Variants in DMD observed in about 807,000 individuals in gnomAD.
DMD encodes the protein mutant dystrophin.
In DMD, 63 loss-of-function variants were observed where a neutral mutation model predicts 330.1. That is an observed-to-expected ratio of 0.19 (90% CI 0.16 to 0.24). The LOEUF (loss-of-function observed/expected upper bound fraction) is 0.24, where lower values mean the gene tolerates loss of function less well. Ranked by LOEUF, DMD falls within the 10% of genes least tolerant of loss-of-function variation. The probability of loss-of-function intolerance (pLI) is 1.00; values close to 1 mark genes in which losing one functional copy is unlikely to be tolerated. For synonymous variants in DMD, 1,223 were observed against 959.8 expected (o/e 1.27, Z -5.07); for missense variants, 3,344 against 2,684.1 (o/e 1.25, Z -5.43).
intron 7 of DMD, among the ~76,000 whole-genome samples, chrX:32,802,249 G>A (rs79953218): frequency 0.17 from 18,795 of 110,735 alleles, 1,635 homozygotes; most frequent in Non-Finnish European, 0.26. Flanking sequence ...GGATTGCTAG[G>A]AATTCTATTC....
chrX:31,352,678 G>A (rs2058491519), intron 60 of DMD, among the ~76,000 whole-genome samples: 1 of 112,056 alleles, frequency 8.9e-6, no homozygotes, highest in Non-Finnish European at 1.9e-5. Context: ...TTAAGAGAAG[G>A]TATGACAGCG....
At chrX:32,169,937 C>T (rs748166291) in intron 44 of DMD, among the ~76,000 whole-genome samples, 59 of 111,535 alleles carry the variant, frequency 5.3e-4, no homozygotes, top group Non-Finnish European at 6.8e-4. Context: ...TCACTGTCTT[C>T]TCAATTTTAA....
intron 44 of DMD, among the ~76,000 whole-genome samples, chrX:32,149,363 G>A (rs962300061): frequency 1.8e-5 from 2 of 111,934 alleles, no homozygotes; most frequent in Non-Finnish European, 3.8e-5. Flanking sequence ...AATATTTAAT[G>A]AGCATGAGTA....
intron 47 of DMD, among the ~76,000 whole-genome samples, chrX:31,904,178 A>C (rs1248254572): frequency 9.0e-6 from 1 of 111,599 alleles, no homozygotes; most frequent in Non-Finnish European, 1.9e-5. Context: ...TACTTTTTGA[A>C]ATATGAAGGA....
rs1395501282 is a variant in DMD, at chrX:32,582,214, A to C, written c.1603-8368T>G. On this transcript the variant is annotated intron_variant, in intron 13 of 78. Transcript: ENST00000357033. ...ATGAAAAATAATTGGAAAGGGAGAA[A>C]GAAAACTGTCATTACTCAAAAACAA... Among the ~76,000 whole-genome samples the C allele has an allele frequency of 1.6e-4, 18 of 111,569 alleles. No homozygotes were observed. In the Admixed American group the frequency reaches 1.7e-3, roughly 11 times the overall value.
At chrX:32,068,374 A>ATTTTTTTTTTTTTT (rs749610367) in intron 44 of DMD, among the ~76,000 whole-genome samples, 3 of 64,319 alleles carry the variant, frequency 4.7e-5, no homozygotes, top group Non-Finnish European at 5.9e-5. Flanking sequence ...CTTGCTTGTC[A>ATTTTTTTTTTTTTT]TTTTTTTTTT....
At chrX:31,268,546 G>A (rs1603271219) in intron 62 of DMD, among the ~76,000 whole-genome samples, 1 of 111,431 alleles carries the variant, frequency 9.0e-6, no homozygotes, top group South Asian at 3.8e-4. Context: ...GTCTGAGGGG[G>A]GCACACTAAG....
In DMD at chrX:31,372,787, A is replaced by C. The variant is rs766415607; in HGVS notation, c.9085-24153T>G. 6.3e-5 allele frequency among the ~76,000 whole-genome samples: 7 copies of C among 110,898 alleles called. No homozygotes were observed. The South Asian group carries it at 2.7e-3, about 43-fold the overall frequency. On this transcript the variant is annotated intron_variant, in intron 60 of 78. Coordinates refer to ENST00000357033, the MANE Select transcript of DMD (RefSeq NM_004006.3). ...CAAGACAGGGATGCCCTCTCTTACC[A>C]CTCCTATTCAACATAGTGTTGGAAG...
At chrX:31,140,303 A>C (rs2035879095) in intron 76 of DMD, among the ~76,000 whole-genome samples, 1 of 112,498 alleles carries the variant, frequency 8.9e-6, no homozygotes, top group Non-Finnish European at 1.9e-5. Context: ...TCTGAATCTA[A>C]ACAAATTATT....
intron 2 of DMD, among the ~76,000 whole-genome samples, chrX:33,011,748 C>T (rs748167180): frequency 9.0e-6 from 1 of 111,386 alleles, no homozygotes; most frequent in African/African-American, 3.3e-5. Flanking sequence ...AGGATGGTAC[C>T]AGAGTGTCAA....
At chrX:31,252,195 TTC>T (rs2049440174) in intron 63 of DMD, among the ~76,000 whole-genome samples, 1 of 112,504 alleles carries the variant, frequency 8.9e-6, no homozygotes, top group African/African-American at 3.2e-5. Context: ...TTTTTCTTTT[TTC>T]TTTTATAAGC....
At chrX:32,494,993 A>T (rs984554825) in intron 19 of DMD, among the ~76,000 whole-genome samples, 3 of 111,527 alleles carry the variant, frequency 2.7e-5, no homozygotes, top group Non-Finnish European at 5.6e-5. Context: ...ATAAAAATAA[A>T]AAGAGTTTAT....
chrX:32,779,498 CTAAAT>C (rs1461879122), intron 7 of DMD, among the ~76,000 whole-genome samples: 1 of 109,966 alleles, frequency 9.1e-6, no homozygotes, highest in Non-Finnish European at 1.9e-5. Flanking sequence ...TCTTTTGAAA[CTAAAT>C]TATTTTTAGA....
intron 7 of DMD, among the ~76,000 whole-genome samples, chrX:32,750,438 A>G (rs187312634): frequency 8.9e-6 from 1 of 112,081 alleles, no homozygotes; most frequent in African/African-American, 3.2e-5. Context: ...CAAAATATCT[A>G]TCAGGTATGA....
chrX:31,168,530 T>C (rs2039654583), intron 74 of DMD, among the ~76,000 whole-genome samples: 1 of 111,697 alleles, frequency 9.0e-6, no homozygotes. Flanking sequence ...TTTTTCATCC[T>C]GAAGTGGCAT....
At chrX:32,918,047 G>A (rs968779073) in intron 2 of DMD, among the ~76,000 whole-genome samples, 3 of 110,167 alleles carry the variant, frequency 2.7e-5, no homozygotes, top group Admixed American at 9.7e-5. Flanking sequence ...ATAGGCAGTA[G>A]GGACTTGGCA....
chrX:31,528,153 AT>A (rs755092914), intron 55 of DMD, among the ~76,000 whole-genome samples: 10,987 of 111,651 alleles, frequency 0.098, 531 homozygotes, highest in Admixed American at 0.19. Flanking sequence ...GTCTTGTTTT[AT>A]TTATTTTATT....
chrX:31,362,810 C>T (rs918869935), intron 60 of DMD, among the ~76,000 whole-genome samples: 7 of 112,190 alleles, frequency 6.2e-5, no homozygotes, highest in African/African-American at 2.3e-4. Flanking sequence ...ATTAGCCGGG[C>T]ATGGTGGCGG....
chrX:31,333,995 C>T (rs1169595421), intron 61 of DMD, among the ~76,000 whole-genome samples: 1 of 110,468 alleles, frequency 9.1e-6, no homozygotes, highest in African/African-American at 3.3e-5. Flanking sequence ...CGCAATGGCG[C>T]GATCTCGGCT....
Sources: gnomAD v4.1 joint callset for allele counts (sites outside exome capture counted in the v4.1 genomes callset) on GRCh38, gnomAD v4.1.1 for gene constraint, MANE v1.5 for transcripts, NCBI Gene and HGNC (gene_info 2026-07-23, HGNC 2026-07-21) for gene names.